Variants in IL1RAPL1 observed in about 807,000 individuals in gnomAD.
IL1RAPL1 encodes the protein interleukin-1 receptor accessory protein-like 1.
A neutral mutation model predicts 48.4 loss-of-function variants in IL1RAPL1; 3 were observed. That is an observed-to-expected ratio of 0.06 (90% confidence interval 0.03 to 0.16). The LOEUF (loss-of-function observed/expected upper bound fraction) is 0.16, where lower values mean the gene tolerates loss of function less well. IL1RAPL1 is among the 10% of genes least tolerant of loss of function. The pLI is 1.00. For synonymous variants in IL1RAPL1, 185 were observed against 187.7 expected (o/e 0.99, Z 0.12); for missense variants, 349 against 530.6 (o/e 0.66, Z 3.36).
chrX:29,496,307 G>A (rs942090141), intron 5 of IL1RAPL1, among the ~76,000 whole-genome samples: 1 of 110,540 alleles, frequency 9.0e-6, no homozygotes. Context: ...CTCATGTTGA[G>A]TTGTAATCTC....
At chrX:29,851,112 A>G (rs999957613) in intron 6 of IL1RAPL1, among the ~76,000 whole-genome samples, 22 of 111,834 alleles carry the variant, frequency 2.0e-4, no homozygotes, top group African/African-American at 6.8e-4. Context: ...GGGCAGTGGC[A>G]TAAACAAAAA....
chrX:29,406,132 A>G (rs763672548), intron 5 of IL1RAPL1, among the ~76,000 whole-genome samples: 73 of 111,731 alleles, frequency 6.5e-4, no homozygotes, highest in Middle Eastern at 9.1e-3. Context: ...GCTCACGCCT[A>G]TAATCCCAGC....
intron 2 of IL1RAPL1, among the ~76,000 whole-genome samples, chrX:29,250,395 G>A (rs1424261306): frequency 9.0e-6 from 1 of 111,701 alleles, no homozygotes; most frequent in African/African-American, 3.3e-5. Context: ...TTTCAGAAGA[G>A]TGAAGAAAGC....
chrX:29,211,223 C>T (rs745614307), intron 2 of IL1RAPL1, among the ~76,000 whole-genome samples: 2 of 110,592 alleles, frequency 1.8e-5, no homozygotes, highest in African/African-American at 6.6e-5. Flanking sequence ...GAGGTGGGGC[C>T]GGTCTGAGAT....
At chrX:29,745,448 T>TTG (rs1928311069) in intron 6 of IL1RAPL1, among the ~76,000 whole-genome samples, 1 of 84,735 alleles carries the variant, frequency 1.2e-5, no homozygotes, top group African/African-American at 4.4e-5. Flanking sequence ...TTTTTTTTTT[T>TTG]TTTTTTTTTT....
At chrX:29,793,864 C>G (rs1232458168) in intron 6 of IL1RAPL1, among the ~76,000 whole-genome samples, 1 of 112,077 alleles carries the variant, frequency 8.9e-6, no homozygotes, top group Non-Finnish European at 1.9e-5. Context: ...AAATCTTTTT[C>G]TCATTAAAAT....
chrX:29,343,918 G>A (rs1173714309), intron 3 of IL1RAPL1, among the ~76,000 whole-genome samples: 1 of 111,606 alleles, frequency 9.0e-6, no homozygotes, highest in African/African-American at 3.3e-5. Context: ...ACAAATGTAG[G>A]TAGGAGAGCA....
rs140859354 is a variant in IL1RAPL1, at chrX:29,494,104, T to C, written c.703+94796T>C. 1.4e-3 allele frequency among the ~76,000 whole-genome samples: 153 copies of C among 110,045 alleles called. 2 individuals carry two copies. The East Asian group carries it at 0.023, about 17-fold the overall frequency. Reference sequence around the variant, plus strand: ...TTTTAGTGGAGACGGGGTTTCACCATATTGGTCAGGCTCGTCTCAAACCCC... The same window carrying C: ...TTTTAGTGGAGACGGGGTTTCACCACATTGGTCAGGCTCGTCTCAAACCCC... On this transcript the variant is annotated intron_variant, in intron 5 of 10. Coordinates refer to ENST00000378993, the MANE Select transcript of IL1RAPL1 (RefSeq NM_014271.4).
At chrX:28,788,789 A>G (rs189701303) in intron 1 of IL1RAPL1, among the ~76,000 whole-genome samples, 72 of 111,054 alleles carry the variant, frequency 6.5e-4, no homozygotes, top group African/African-American at 2.1e-3. Flanking sequence ...TCTTTTAATA[A>G]AAACAAAAGT....
intron 2 of IL1RAPL1, among the ~76,000 whole-genome samples, chrX:29,253,019 T>C (rs947371172): frequency 9.0e-6 from 1 of 111,228 alleles, no homozygotes; most frequent in Non-Finnish European, 1.9e-5. Flanking sequence ...ATCATTATTT[T>C]AGTAATTTTT....
At chrX:29,080,841 C>A (rs1210807402) in intron 2 of IL1RAPL1, among the ~76,000 whole-genome samples, 7 of 107,539 alleles carry the variant, frequency 6.5e-5, no homozygotes, top group Admixed American at 5.0e-4. Flanking sequence ...CTCCTGGGCT[C>A]AAGCAATCCT....
At chrX:29,915,706 G>A (rs1283740114) in intron 6 of IL1RAPL1, among the ~76,000 whole-genome samples, 4 of 84,004 alleles carry the variant, frequency 4.8e-5, no homozygotes, top group Admixed American at 2.7e-4. Context: ...GGGCCCTCTG[G>A]TAATATTCTT....
At chrX:29,828,252 A>G (rs1189732672) in intron 6 of IL1RAPL1, among the ~76,000 whole-genome samples, 1 of 111,792 alleles carries the variant, frequency 8.9e-6, no homozygotes, top group Non-Finnish European at 1.9e-5. Context: ...AATACTTTGT[A>G]ATTGTGAATT....
intron 6 of IL1RAPL1, among the ~76,000 whole-genome samples, chrX:29,790,105 A>G (rs762546446): frequency 1.5e-3 from 164 of 111,573 alleles, no homozygotes; most frequent in Non-Finnish European, 2.7e-3. Flanking sequence ...TCAACGTTTT[A>G]TCATGACCAT....
chrX:29,343,296 T>C (rs900409986), intron 3 of IL1RAPL1, among the ~76,000 whole-genome samples: 1 of 111,624 alleles, frequency 9.0e-6, no homozygotes, highest in Admixed American at 9.6e-5. Flanking sequence ...ATATTTTTGT[T>C]CCCAGTGAGT....
chrX:28,922,695 C>G (rs1308854901), intron 2 of IL1RAPL1, among the ~76,000 whole-genome samples: 1 of 111,859 alleles, frequency 8.9e-6, no homozygotes, highest in South Asian at 3.7e-4. Context: ...TTCTTAAGAG[C>G]TGGAAACACA....
At position 29,248,209 on chromosome X, in the gene IL1RAPL1, A is replaced by G. The variant is rs181803637; in HGVS notation, c.83-34729A>G. Among the ~76,000 whole-genome samples the G allele has an allele frequency of 2.7e-5, 3 of 111,765 alleles. No homozygotes were observed. In the East Asian group the frequency reaches 8.5e-4, roughly 32 times the overall value. ...AGCAGACGGGTCGCTTGAGGTCAGT[A>G]GTTTGAGACCAGCCTGGCCAACATA... On this transcript the variant is annotated intron_variant, in intron 2 of 10. Transcript: ENST00000378993.
chrX:28,693,110 C>T (rs1935197011), intron 1 of IL1RAPL1, among the ~76,000 whole-genome samples: 3 of 111,939 alleles, frequency 2.7e-5, no homozygotes, highest in Non-Finnish European at 3.8e-5. Flanking sequence ...TTTAGAAAGA[C>T]AATTCCACTG....
intron 1 of IL1RAPL1, among the ~76,000 whole-genome samples, chrX:28,711,833 T>C (rs1159952266): frequency 9.1e-6 from 1 of 109,557 alleles, no homozygotes; most frequent in Non-Finnish European, 1.9e-5. Flanking sequence ...TAAAAATATG[T>C]GAGCAATACA....
Sources: allele counts gnomAD v4.1 joint callset (sites outside exome capture counted in the v4.1 genomes callset), GRCh38; gene constraint gnomAD v4.1.1; transcripts MANE v1.5; gene names NCBI Gene and HGNC (gene_info 2026-07-23, HGNC 2026-07-21).